Variants in AGAP1 observed in about 807,000 individuals in gnomAD.
The protein encoded by AGAP1 is ArfGAP with GTPase domain, ankyrin repeat and PH domain 1.
In AGAP1, 29 loss-of-function variants were observed where a neutral mutation model predicts 105.3. The observed-to-expected ratio is 0.28, with a 90% CI of 0.21 to 0.38. The LOEUF (loss-of-function observed/expected upper bound fraction) is 0.38. Ranked by LOEUF, AGAP1 falls within the 10% of genes least tolerant of loss-of-function variation. The probability of loss-of-function intolerance (pLI) is 1.00; values close to 1 mark genes in which losing one functional copy is unlikely to be tolerated. For synonymous variants in AGAP1, 509 were observed against 485.9 expected (o/e 1.05, Z -0.63); for missense variants, 998 against 1,165.1 (o/e 0.86, Z 2.09).
chr2:235,801,420 T>G lies in AGAP1; in HGVS notation c.957+1898T>G, dbSNP rs1366312245. Reference sequence around the variant, plus strand: ...TAAGCATATGTGATAGATTAGGAGGTGGGTATTTAGGTTTCTGTAAAATAC... The same window carrying G: ...TAAGCATATGTGATAGATTAGGAGGGGGGTATTTAGGTTTCTGTAAAATAC... On this transcript the variant is annotated intron_variant, in intron 8 of 17. Coordinates refer to ENST00000304032, the MANE Select transcript of AGAP1 (RefSeq NM_001037131.3). The surrounding 1 kb of genome is among the most constrained non-coding windows in gnomAD (Gnocchi z 6.0). Among the ~76,000 whole-genome samples the G allele has an allele frequency of 1.3e-5, 2 of 151,644 alleles. No homozygotes were observed.
In AGAP1 at chr2:235,982,236, A is replaced by T. The variant is rs2055128638; in HGVS notation, c.1645+13613A>T. 6.6e-6 allele frequency among the ~76,000 whole-genome samples: 1 copy of T among 152,238 alleles called. No homozygotes were observed. The highest frequency in any genetic ancestry group is 1.5e-5 in the Non-Finnish European group (1 of 68,040). On this transcript the variant is annotated intron_variant, in intron 13 of 17. Coordinates refer to ENST00000304032, the MANE Select transcript of AGAP1 (RefSeq NM_001037131.3). The surrounding 1 kb of genome is among the most constrained non-coding windows in gnomAD (Gnocchi z 4.9). ...AAATCCATTTCTCACATTTAAAGAG[A>T]ATCAAAGAGTCAGTAAACATGCAGA...
intron 12 of AGAP1, among the ~76,000 whole-genome samples, chr2:235,938,841 G>T (rs898702604): frequency 6.6e-6 from 1 of 152,102 alleles, no homozygotes; most frequent in African/African-American, 2.4e-5. Flanking sequence ...AGGGCCGGAG[G>T]ACCCTCTCAG....
In AGAP1 at chr2:236,037,744, C is replaced by G. The variant is rs187232341; in HGVS notation, c.1800+1029C>G. ...CTCTAGGCTACTGCCCAGTGATGTT[C>G]CTTCTACAAAAGTCCTTTTTCCCAT... On this transcript the variant is annotated intron_variant, in intron 14 of 17. Coordinates refer to ENST00000304032, the MANE Select transcript of AGAP1 (RefSeq NM_001037131.3). Among the ~76,000 whole-genome samples, 3 of 152,224 alleles carry G rather than the reference C, an allele frequency of 2.0e-5. No individual in the cohort carries two copies. In the East Asian group the frequency reaches 5.8e-4, roughly 29 times the overall value.
intron 1 of AGAP1, among the ~76,000 whole-genome samples, chr2:235,527,651 G>A (rs999494788): frequency 7.2e-5 from 11 of 152,178 alleles, no homozygotes; most frequent in Non-Finnish European, 1.0e-4. Flanking sequence ...GCGTCCCGAA[G>A]TGCTGGAATT....
intron 10 of AGAP1, among the ~76,000 whole-genome samples, chr2:235,890,988 C>CT (rs2050515418): frequency 6.7e-6 from 1 of 149,904 alleles, no homozygotes. Flanking sequence ...TCTCAAGATG[C>CT]TATTATTAAA....
rs560290455 is a variant in AGAP1 at position 235,843,541 on chromosome 2, G to A, written c.1050+36210G>A. 2.2e-4 allele frequency among the ~76,000 whole-genome samples: 34 copies of A among 152,164 alleles called. No homozygotes were observed. The highest frequency in any genetic ancestry group is 7.7e-4 in the African/African-American group (32 of 41,510). On this transcript the variant is annotated intron_variant, in intron 9 of 17. Transcript: ENST00000304032. This position sits in a 1 kb window ranked among gnomAD's most constrained non-coding sequence, Gnocchi z 5.9. ...ACTCTTTCTGCTGTGGGATGCCTCC[G>A]CCTCCCTTCGTTCCCCATTTGCAGC...
In AGAP1 at chr2:236,046,779, A is replaced by G. The variant is rs1432717115; in HGVS notation, c.1892-2280A>G. On this transcript the variant is annotated intron_variant, in intron 15 of 17. Coordinates refer to ENST00000304032, the MANE Select transcript of AGAP1 (RefSeq NM_001037131.3). The surrounding 1 kb of genome is among the most constrained non-coding windows in gnomAD (Gnocchi z 5.2). ...AGGAAGAGCTGGGAAAGAGATCACAACGGAGCAACCAGGAAAGTGGGGAAA... is the reference window on the plus strand; with the variant it reads ...AGGAAGAGCTGGGAAAGAGATCACAGCGGAGCAACCAGGAAAGTGGGGAAA... 6.6e-6 allele frequency among the ~76,000 whole-genome samples: 1 copy of G among 152,170 alleles called. No individual in the cohort carries two copies.
At chr2:235,813,414 C>T (rs1485633901) in intron 9 of AGAP1, among the ~76,000 whole-genome samples, 3 of 152,232 alleles carry the variant, frequency 2.0e-5, no homozygotes, top group Non-Finnish European at 4.4e-5. Flanking sequence ...ATGGCGTTTC[C>T]AAGAACGGAA....
rs2149599452 is a variant in AGAP1, at chr2:235,729,075, C to G, written c.310+11431C>G. Among the ~76,000 whole-genome samples the G allele has an allele frequency of 6.6e-6, 1 of 152,044 alleles. No individual in the cohort carries two copies. The highest frequency in any genetic ancestry group is 1.9e-4 in the East Asian group (1 of 5,176). On this transcript the variant is annotated intron_variant, in intron 3 of 17. Coordinates refer to ENST00000304032, the MANE Select transcript of AGAP1 (RefSeq NM_001037131.3). This position sits in a 1 kb window ranked among gnomAD's most constrained non-coding sequence, Gnocchi z 5.0. ...GAGTGGCTGGGCTCCAGGGCTCCAGCCAGGCTATTAGCAGGAGCACTGGCT... is the reference window on the plus strand; with the variant it reads ...GAGTGGCTGGGCTCCAGGGCTCCAGGCAGGCTATTAGCAGGAGCACTGGCT...
At chr2:236,099,964 C>G (rs1222620310) in intron 16 of AGAP1, among the ~76,000 whole-genome samples, 2 of 152,050 alleles carry the variant, frequency 1.3e-5, no homozygotes, top group Non-Finnish European at 2.9e-5. Flanking sequence ...TGGTTGAACC[C>G]GGGAGGCAGA....
chr2:236,042,481 A>G lies in AGAP1; in HGVS notation c.1891+1640A>G, dbSNP rs1405433908. Among the ~76,000 whole-genome samples, 1 of 152,238 alleles carries G rather than the reference A, an allele frequency of 6.6e-6. No individual in the cohort carries two copies. The highest frequency in any genetic ancestry group is 6.5e-5 in the Admixed American group (1 of 15,288). ...ATGAAGTTCGAAGAGAGAAGCAGTT[A>G]TTTGAAGTGTGTTTCTATCAAAAAG... is the stretch of plus-strand genomic sequence containing the variant. On this transcript the variant is annotated intron_variant, in intron 15 of 17. Transcript: ENST00000304032. This position sits in a 1 kb window ranked among gnomAD's most constrained non-coding sequence, Gnocchi z 5.6.
intron 11 of AGAP1, among the ~76,000 whole-genome samples, chr2:235,923,525 A>ACCCCT (rs1559651085): frequency 1.7e-5 from 1 of 57,734 alleles, no homozygotes; most frequent in Non-Finnish European, 3.6e-5. Context: ...ACCCCACCCC[A>ACCCCT]CCCCACTCAC....
Position 236,058,541 on chromosome 2 carries a change from A to G in AGAP1, c.2114+9260A>G, listed in dbSNP as rs1212913496. Among the ~76,000 whole-genome samples the G allele has an allele frequency of 2.0e-5, 3 of 152,250 alleles. No homozygotes were observed. Among genetic ancestry groups the G allele is most frequent in the African/African-American group, 7.2e-5 (3 of 41,458 alleles). Reference sequence around the variant, plus strand: ...AACCACGTGCCCTTTCATGGTAACAAACACTCAGCAAACTAGAAATAAAAG... The same window carrying G: ...AACCACGTGCCCTTTCATGGTAACAGACACTCAGCAAACTAGAAATAAAAG... On this transcript the variant is annotated intron_variant, in intron 16 of 17. Coordinates refer to ENST00000304032, the MANE Select transcript of AGAP1 (RefSeq NM_001037131.3). The surrounding 1 kb of genome is among the most constrained non-coding windows in gnomAD (Gnocchi z 4.6).
chr2:235,683,869 C>G (rs1470278241), intron 1 of AGAP1, among the ~76,000 whole-genome samples: 1 of 150,934 alleles, frequency 6.6e-6, no homozygotes, highest in Non-Finnish European at 1.5e-5. Flanking sequence ...CCCGCCCGGC[C>G]CCAGTGTGTG....
At chr2:235,881,028 A>T (rs1327296669) in intron 9 of AGAP1, among the ~76,000 whole-genome samples, 1 of 152,198 alleles carries the variant, frequency 6.6e-6, no homozygotes, top group Non-Finnish European at 1.5e-5. Flanking sequence ...AAGGTATGCC[A>T]CATTTTGCCA....
chr2:236,034,105 A>G (rs1156587934), intron 13 of AGAP1, among the ~76,000 whole-genome samples: 1 of 152,188 alleles, frequency 6.6e-6, no homozygotes, highest in East Asian at 1.9e-4. Context: ...AGAGTTTTGC[A>G]TAAAATACAT....
At chr2:235,498,818 G>A (rs1382232235) in intron 1 of AGAP1, among the ~76,000 whole-genome samples, 2 of 152,152 alleles carry the variant, frequency 1.3e-5, no homozygotes, top group East Asian at 1.9e-4. Flanking sequence ...CCAGGTGGCC[G>A]ATGAGAGGAA....
chr2:236,018,001 C>T, intron 13 of AGAP1, among the ~76,000 whole-genome samples: 1 of 152,190 alleles, frequency 6.6e-6, no homozygotes, highest in African/African-American at 2.4e-5. Context: ...ACAAACAAAA[C>T]TTACAAGGGA....
At chr2:235,583,895 G>A (rs1204171213) in intron 1 of AGAP1, among the ~76,000 whole-genome samples, 9 of 151,606 alleles carry the variant, frequency 5.9e-5, no homozygotes, top group African/African-American at 2.2e-4. Flanking sequence ...AAAAAAGATG[G>A]GGTCTCACTT....
Sources: gnomAD v4.1 joint callset for allele counts (sites outside exome capture counted in the v4.1 genomes callset) on GRCh38, gnomAD v4.1.1 for gene constraint, Gnocchi (gnomAD v3.1) non-coding constraint, MANE v1.5 for transcripts, NCBI Gene and HGNC (gene_info 2026-07-23, HGNC 2026-07-21) for gene names.